TNNI3K: variants seen among roughly 807,000 people sequenced by gnomAD.
TNNI3K encodes serine/threonine-protein kinase TNNI3K.
In TNNI3K, 140 loss-of-function variants were observed where a neutral mutation model predicts 114.5. That is an observed-to-expected ratio of 1.22 (90% CI 1.07 to 1.41). The LOEUF (loss-of-function observed/expected upper bound fraction) is 1.41. TNNI3K is among the 40% of genes most tolerant of loss of function. The pLI, the probability that TNNI3K is intolerant of heterozygous loss-of-function variation, is 0.00. For synonymous variants in TNNI3K, 347 were observed against 347.5 expected, an observed-to-expected ratio of 1.00 and a Z score of 0.02; for missense variants, 1,125 against 1,007.6, an observed-to-expected ratio of 1.12 and a Z score of -1.58.
At chr1:74,348,167 T>G (rs1661124854) in intron 9 of TNNI3K, among the ~76,000 whole-genome samples, 1 of 152,234 alleles carries the variant, frequency 6.6e-6, no homozygotes, top group African/African-American at 2.4e-5. Context: ...CTTGAATTAA[T>G]TTTTGTATAA....
intron 5 of TNNI3K, among the ~76,000 whole-genome samples, chr1:74,276,953 T>C (rs540298008): frequency 1.3e-5 from 2 of 152,220 alleles, no homozygotes; most frequent in South Asian, 4.2e-4. Flanking sequence ...TTGTCCCAGG[T>C]CTCAATACTT....
chr1:74,391,056 A>T (rs948845295), intron 17 of TNNI3K, among the ~76,000 whole-genome samples: 8 of 152,068 alleles, frequency 5.3e-5, no homozygotes, highest in African/African-American at 1.9e-4. Flanking sequence ...AAGCCACAAC[A>T]TGTATGTCCT....
At chr1:74,277,064 T>C (rs1656728369) in intron 5 of TNNI3K, among the ~76,000 whole-genome samples, 1 of 152,132 alleles carries the variant, frequency 6.6e-6, no homozygotes, top group South Asian at 2.1e-4. Flanking sequence ...TTAAATCCTC[T>C]TTTTCCCTTT....
chr1:74,311,759 C>G (rs551898643), intron 5 of TNNI3K, among the ~76,000 whole-genome samples: 1 of 152,090 alleles, frequency 6.6e-6, no homozygotes, highest in Non-Finnish European at 1.5e-5. Flanking sequence ...GTTTGAGTCT[C>G]TCCTCTGAAT....
At chr1:74,277,836 T>C (rs1363505762) in intron 5 of TNNI3K, among the ~76,000 whole-genome samples, 1 of 152,208 alleles carries the variant, frequency 6.6e-6, no homozygotes, top group African/African-American at 2.4e-5. Flanking sequence ...GGTGAGCGTA[T>C]TATTCATAGT....
At chr1:74,339,503 A>G (rs1206750319) in intron 7 of TNNI3K, among the ~76,000 whole-genome samples, 1 of 152,142 alleles carries the variant, frequency 6.6e-6, no homozygotes, top group East Asian at 1.9e-4. Context: ...TGGTAAATGG[A>G]CATAGGAGAA....
chr1:74,304,309 C>A (rs7534886), intron 5 of TNNI3K, among the ~76,000 whole-genome samples: 4,300 of 152,272 alleles, frequency 0.028, 215 homozygotes, highest in African/African-American at 0.099. Context: ...CAAAGCCATT[C>A]CAATCTTCAG....
At chr1:74,261,076 A>G (rs1655644236) in intron 4 of TNNI3K, among the ~76,000 whole-genome samples, 1 of 152,092 alleles carries the variant, frequency 6.6e-6, no homozygotes, top group Admixed American at 6.5e-5. Flanking sequence ...AGAAAAAAGT[A>G]CCAGCTTTTT....
At chr1:74,485,985 G>A (rs145290156) in intron 21 of TNNI3K, among the ~76,000 whole-genome samples, 474 of 152,154 alleles carry the variant, frequency 3.1e-3, no homozygotes, top group Non-Finnish European at 4.0e-3. Flanking sequence ...CAAAGGACCC[G>A]GCTAATCTAT....
At chr1:74,527,194 G>A (rs1178548335) in intron 23 of TNNI3K, among the ~76,000 whole-genome samples, 3 of 152,216 alleles carry the variant, frequency 2.0e-5, no homozygotes, top group African/African-American at 7.2e-5. Context: ...TGTGTGAAGT[G>A]CCAGGCACAC....
chr1:74,366,389 T>G (rs2100512691), intron 11 of TNNI3K, among the ~76,000 whole-genome samples: 1 of 152,134 alleles, frequency 6.6e-6, no homozygotes, highest in Non-Finnish European at 1.5e-5. Context: ...TTGGCATTTT[T>G]TATCCTTCAC....
intron 17 of TNNI3K, among the ~76,000 whole-genome samples, chr1:74,409,596 T>G (rs190773342): frequency 4.8e-4 from 72 of 149,398 alleles, no homozygotes; most frequent in Non-Finnish European, 9.3e-4. Context: ...TGGGTTCAAG[T>G]GATTCTCCTG....
chr1:74,429,395 A>T (rs72969823), intron 17 of TNNI3K, among the ~76,000 whole-genome samples: 3,233 of 152,208 alleles, frequency 0.021, 102 homozygotes, highest in African/African-American at 0.074. Flanking sequence ...AAGTAAGTGG[A>T]TGTGAATTGC....
intron 17 of TNNI3K, among the ~76,000 whole-genome samples, chr1:74,387,094 TGAAA>T (rs968349076): frequency 3.3e-5 from 5 of 152,202 alleles, no homozygotes; most frequent in Admixed American, 2.6e-4. Flanking sequence ...TAGTTTTTGC[TGAAA>T]GAAAGCTGTA....
intron 19 of TNNI3K, chr1:74,439,137 G>A (rs1356664312): frequency 6.0e-6 from 1 of 166,136 alleles, no homozygotes. Flanking sequence ...GCTTCTAAGG[G>A]AGGAAGATGT....
chr1:74,497,615 T>TACATTCCTCCACACACAC (rs1553152943), intron 23 of TNNI3K, among the ~76,000 whole-genome samples: 1 of 151,044 alleles, frequency 6.6e-6, no homozygotes, highest in African/African-American at 2.4e-5. Flanking sequence ...TACACACACA[T>TACATTCCTCCACACACAC]ACATTCCTCC....
intron 6 of TNNI3K, among the ~76,000 whole-genome samples, chr1:74,332,956 CAAAAA>C (rs796977281): frequency 6.5e-5 from 6 of 92,720 alleles, no homozygotes; most frequent in South Asian, 4.4e-4. Flanking sequence ...CTGAAAATAA[CAAAAA>C]AAAAAAAAAA....
At chr1:74,459,128 G>A (rs1417880417) in intron 20 of TNNI3K, among the ~76,000 whole-genome samples, 2 of 152,104 alleles carry the variant, frequency 1.3e-5, no homozygotes, top group African/African-American at 4.8e-5. Flanking sequence ...AGAAAATGTG[G>A]TACATACACA....
intron 2 of TNNI3K, among the ~76,000 whole-genome samples, chr1:74,236,639 C>A (rs538294527): frequency 2.0e-5 from 3 of 151,898 alleles, no homozygotes; most frequent in African/African-American, 7.2e-5. Context: ...ACCCTCTGGT[C>A]TCTTGACATT....
Sources: allele counts gnomAD v4.1 joint callset (sites outside exome capture counted in the v4.1 genomes callset), GRCh38; gene constraint gnomAD v4.1.1; transcripts MANE v1.5; gene names NCBI Gene and HGNC (gene_info 2026-07-23, HGNC 2026-07-21).